The following SAMD9 variants were observed in gnomAD, a reference collection of about 807,000 sequenced individuals.
SAMD9 encodes sterile alpha motif domain-containing protein 9.
In SAMD9, 3 loss-of-function variants were observed where a neutral mutation model predicts 1.5. That is an observed-to-expected ratio of 2.05 (90% CI 0.93 to 5.29). SAMD9 has a LOEUF of 5.29. Among genes scored for constraint, SAMD9 ranks in the 30% most tolerant of loss-of-function variants. The pLI, the probability that SAMD9 is intolerant of heterozygous loss-of-function variation, is 0.02. For missense variants in SAMD9, 1,597 were observed against 1,820.8 expected (o/e 0.88, Z 2.24); for synonymous variants, 635 against 631.9 (o/e 1.00, Z -0.07).
At chr7:93,110,280 C>T (rs1367360030) in intron 2 of SAMD9, among the ~76,000 whole-genome samples, 2 of 152,152 alleles carry the variant, frequency 1.3e-5, no homozygotes, top group East Asian at 1.9e-4. Context: ...TACCACCAGG[C>T]CTGCCTTACA....
At chr7:93,116,350 T>G (rs1293850072) in intron 1 of SAMD9, among the ~76,000 whole-genome samples, 2 of 152,226 alleles carry the variant, frequency 1.3e-5, no homozygotes, top group African/African-American at 4.8e-5. Context: ...GAACTGGGCC[T>G]GAACATTTGG....
At chr7:93,110,871 C>G (rs543255198) in intron 2 of SAMD9, among the ~76,000 whole-genome samples, 4 of 152,180 alleles carry the variant, frequency 2.6e-5, no homozygotes, top group South Asian at 2.1e-4. Context: ...ACTTTAACAC[C>G]CCACTGTCAA....
rs377420061 is a variant in SAMD9, at chr7:93,112,490, C to T, written c.-9+2305G>A. ...GCAGGATAAAGAAATAAAGAGTATT[C>T]AGTTAGGAAAAGAGGAAGTCAAATT... On this transcript the variant is annotated intron_variant, in intron 2 of 2. Coordinates refer to ENST00000379958, the MANE Select transcript of SAMD9 (RefSeq NM_017654.4). Among the ~76,000 whole-genome samples the T allele has an allele frequency of 3.4e-3, 515 of 152,290 alleles. 3 individuals are homozygous for T. The Middle Eastern group carries it at 0.034, about 10-fold the overall frequency.
intron 1 of SAMD9, 99 bp from the exon 2 acceptor site, chr7:93,114,994 C>G (rs529308700): frequency 6.6e-6 from 1 of 152,222 alleles, no homozygotes; most frequent in Admixed American, 6.5e-5. Flanking sequence ...GAGGAAAGAT[C>G]CCTGTCTATG....
chr7:93,105,764 G>C lies in SAMD9; in HGVS notation c.334C>G (p.Gln112Glu), dbSNP rs1373862862. The C allele has an allele frequency of 1.9e-6, 3 of 1,613,826 alleles. No individual in the cohort carries two copies. The highest frequency in any genetic ancestry group is 2.7e-5 in the African/African-American group (2 of 74,868). The stretch of plus-strand genomic sequence containing the variant: ...GGGTTCTCTTTACCCTTTTGTTTTT[G>C]CTTTGAAGTTTCTCTACGTTCCTTT... ...SQKERRETSK[Q>E]KQKGKENPDM... The change falls in exon 3 of 3, where the codon CAA becomes GAA. Residue 112 changes from glutamine (Q) to glutamate (E), a missense_variant. Gln to Glu is a conservative substitution (Grantham distance 29, BLOSUM62 2). Coordinates refer to ENST00000379958, the MANE Select transcript of SAMD9 (RefSeq NM_017654.4).
In SAMD9 at chr7:93,103,737, G is replaced by A. The variant is rs200048561; in HGVS notation, c.2361C>T (p.Asn787=). The change falls in exon 3 of 3, where the codon AAC becomes AAT. Residue 787 remains asparagine, a synonymous_variant. Coordinates refer to ENST00000379958, the MANE Select transcript of SAMD9 (RefSeq NM_017654.4). Reference sequence around the variant, plus strand: ...GTAGTACAGGTACGTATTCCTGACGGTTCATTGCCCCATAGGTGATTAAAC... The same window carrying A: ...GTAGTACAGGTACGTATTCCTGACGATTCATTGCCCCATAGGTGATTAAAC... ...VTSLITYGAM[N]RQEYVPVLLL... The A allele has an allele frequency of 3.1e-6, 5 of 1,613,906 alleles. No homozygotes were observed. Among genetic ancestry groups the A allele is most frequent in the South Asian group, 1.1e-5 (1 of 91,074 alleles).
At chr7:93,117,256 C>CATTT (rs565615412) in intron 1 of SAMD9, among the ~76,000 whole-genome samples, 25,757 of 144,552 alleles carry the variant, frequency 0.18, 3,284 homozygotes, top group African/African-American at 0.36. Flanking sequence ...TCTATCTTTC[C>CATTT]GTTTGTTGTT....
Position 93,105,900 on chromosome 7 carries a change from T to A in SAMD9, c.198A>T (p.Gln66His). ...DMGITHGPAIQIEELFKELRK... is the reference protein window; with the variant it reads ...DMGITHGPAIHIEELFKELRK... Reference sequence around the variant, plus strand: ...GCAATTCTTTGAATAGTTCTTCTATTTGAATAGCTGGTCCATGTGTGATGC... The same window carrying A: ...GCAATTCTTTGAATAGTTCTTCTATATGAATAGCTGGTCCATGTGTGATGC... The change falls in exon 3 of 3, where the codon CAA becomes CAT. Residue 66 changes from glutamine to histidine, a missense_variant. This residue lies in a region of SAMD9 where 498 missense variants were observed against 457.4 expected (regional missense o/e 1.09). Transcript: ENST00000379958. 6.2e-7 allele frequency: 1 copy of A among 1,614,126 alleles called. No homozygotes were observed. Among genetic ancestry groups the A allele is most frequent in the South Asian group, 1.1e-5 (1 of 91,076 alleles).
At chr7:93,116,344 T>C (rs1236838947) in intron 1 of SAMD9, among the ~76,000 whole-genome samples, 1 of 152,196 alleles carries the variant, frequency 6.6e-6, no homozygotes, top group Non-Finnish European at 1.5e-5. Context: ...GATGGAGAAC[T>C]GGGCCTGAAC....
Position 93,103,244 on chromosome 7 carries a change from C to G in SAMD9, c.2854G>C (p.Gly952Arg), listed in dbSNP as rs201505731. 1.0e-3 allele frequency: 1,621 copies of G among 1,613,508 alleles called. 5 individuals are homozygous for G. The highest frequency in any genetic ancestry group is 1.3e-3 in the Non-Finnish European group (1,564 of 1,179,714). ...ATCTTGTCTTCAAATTTTTCTGTCCCCCAGAAAGCCTTCTTGTTTCCAATT... is the reference window on the plus strand; with the variant it reads ...ATCTTGTCTTCAAATTTTTCTGTCCGCCAGAAAGCCTTCTTGTTTCCAATT... ...LGIGNKKAFW[G>R]TEKFEDKMGT... The change falls in exon 3 of 3, where the codon GGG becomes CGG. Residue 952 changes from glycine to arginine, a missense_variant. Gly to Arg is a moderately radical substitution (Grantham distance 125, BLOSUM62 -2). Coordinates refer to ENST00000379958, the MANE Select transcript of SAMD9 (RefSeq NM_017654.4).
At chr7:93,113,304 C>T (rs1791776866) in intron 2 of SAMD9, among the ~76,000 whole-genome samples, 1 of 152,134 alleles carries the variant, frequency 6.6e-6, no homozygotes. Context: ...AAAATTAATT[C>T]AAGATGGATT....
At chr7:93,106,878 C>G (rs532431435) in intron 2 of SAMD9, among the ~76,000 whole-genome samples, 1 of 152,318 alleles carries the variant, frequency 6.6e-6, no homozygotes, top group African/African-American at 2.4e-5. Context: ...CAGACCTCAA[C>G]TCTGTTTCTC....
intron 2 of SAMD9, among the ~76,000 whole-genome samples, chr7:93,112,955 T>G (rs1247577286): frequency 3.3e-5 from 5 of 152,138 alleles, no homozygotes; most frequent in South Asian, 2.1e-4. Context: ...AAAAACTACT[T>G]TAAAGTTCAT....
At chr7:93,116,690 A>G (rs761210133) in intron 1 of SAMD9, among the ~76,000 whole-genome samples, 18 of 152,252 alleles carry the variant, frequency 1.2e-4, no homozygotes, top group Non-Finnish European at 2.5e-4. Context: ...CACATATATT[A>G]AAACCCTTAG....
At chr7:93,110,368 C>G (rs968595196) in intron 2 of SAMD9, among the ~76,000 whole-genome samples, 8 of 152,274 alleles carry the variant, frequency 5.3e-5, no homozygotes, top group African/African-American at 1.9e-4. Context: ...AAATTGTAAA[C>G]ACCATCGATG....
chr7:93,113,780 ATT>A (rs1791787289), intron 2 of SAMD9, among the ~76,000 whole-genome samples: 1 of 152,200 alleles, frequency 6.6e-6, no homozygotes, highest in African/African-American at 2.4e-5. Flanking sequence ...ATGGGGGATC[ATT>A]AAAAAGTCAG....
intron 2 of SAMD9, among the ~76,000 whole-genome samples, chr7:93,108,195 C>T (rs562341443): frequency 4.6e-5 from 7 of 152,184 alleles, no homozygotes; most frequent in South Asian, 2.1e-4. Flanking sequence ...GCTGTGTGTG[C>T]GCGCAGGTGT....
chr7:93,104,790 C>T lies in SAMD9; in HGVS notation c.1308G>A (p.Trp436Ter), dbSNP rs1386109293. The change falls in exon 3 of 3, where the codon TGG (tryptophan) becomes TGA (stop). Residue 436 changes from tryptophan to a stop codon, truncating the protein, a stop_gained. Coordinates refer to ENST00000379958, the MANE Select transcript of SAMD9 (RefSeq NM_017654.4). LOFTEE classifies it low-confidence loss of function (END_TRUNC). ...KHLDFLKEIK[W>*]FAVLEFDPES... ...CAGGATCAAACTCCAATACAGCAAACCATTTAATTTCCTTCAGGAAATCTA... is the reference window on the plus strand; with the variant it reads ...CAGGATCAAACTCCAATACAGCAAATCATTTAATTTCCTTCAGGAAATCTA... 4.3e-6 allele frequency: 7 copies of T among 1,613,554 alleles called. No homozygotes were observed. Among genetic ancestry groups the T allele is most frequent in the Non-Finnish European group, 5.9e-6 (7 of 1,179,874 alleles).
Position 93,113,101 on chromosome 7 carries a change from C to T in SAMD9, c.-9+1694G>A, listed in dbSNP as rs562453034. Among the ~76,000 whole-genome samples the T allele has an allele frequency of 4.6e-5, 7 of 152,268 alleles. No individual in the cohort carries two copies. The South Asian group carries it at 1.5e-3, about 32-fold the overall frequency. On this transcript the variant is annotated intron_variant, in intron 2 of 2. Coordinates refer to ENST00000379958, the MANE Select transcript of SAMD9 (RefSeq NM_017654.4). ...AAACAGCATGGTACTGGTACCAAAA[C>T]AGAGATATAGACCAATGGAACAGAA... is the stretch of plus-strand genomic sequence containing the variant.
Sources: allele counts gnomAD v4.1 joint callset (sites outside exome capture counted in the v4.1 genomes callset), GRCh38; gene constraint gnomAD v4.1.1; regional missense constraint gnomAD v4.1.1; transcripts MANE v1.5; gene names NCBI Gene and HGNC (gene_info 2026-07-23, HGNC 2026-07-21).